Variants in ABL1 observed in about 807,000 individuals in gnomAD.
ABL1 encodes tyrosine-protein kinase ABL1.
Under a neutral mutation model 94.7 loss-of-function variants are expected in ABL1, and 11 were observed. The ratio of observed to expected loss-of-function variants is 0.12; its 90% CI spans 0.07 to 0.19. ABL1 has a LOEUF of 0.19. ABL1 is among the 10% of genes least tolerant of loss of function. ABL1 has a pLI of 1.00. For synonymous variants in ABL1, 656 were observed against 622.4 expected, an observed-to-expected ratio of 1.05 and a Z score of -0.80; for missense variants, 1,082 against 1,489.4, an observed-to-expected ratio of 0.73 and a Z score of 4.50.
intron 1 of ABL1, among the ~76,000 whole-genome samples, chr9:130,744,714 G>A (rs1188794528): frequency 2.0e-5 from 3 of 150,742 alleles, no homozygotes; most frequent in Non-Finnish European, 3.0e-5. Flanking sequence ...AAAATTAGCC[G>A]AGCGTAGTGG....
intron 1 of ABL1, among the ~76,000 whole-genome samples, chr9:130,812,003 ACAGAG>A (rs1830215688): frequency 6.6e-6 from 1 of 151,490 alleles, no homozygotes; most frequent in South Asian, 2.1e-4. Flanking sequence ...GGAAAAGCAA[ACAGAG>A]CAGATGGGAC....
chr9:130,877,989 ATT>A (rs751886515), intron 7 of ABL1, among the ~76,000 whole-genome samples: 40 of 151,642 alleles, frequency 2.6e-4, no homozygotes, highest in Non-Finnish European at 4.6e-4. Context: ...ATTTTTTTGT[ATT>A]TTTAGTAGAG....
rs35601106 is a variant in ABL1, at chr9:130,886,982, C to T, written c.*1299C>T. On this transcript the variant is annotated 3_prime_UTR_variant, in exon 11 of 11. Transcript: ENST00000318560. ...ACAAACGGAGCCCCTGAAAGCCTCA[C>T]GTATTTCACAGAGCACGCCTGCCAT... 53 of 232,832 alleles carry T rather than the reference C, an allele frequency of 2.3e-4. 1 individual carries two copies. Among genetic ancestry groups the T allele is most frequent in the African/African-American group, 7.7e-4 (35 of 45,444 alleles). The allele number at this position is 232,832 out of a possible 1,614,324, so 14.4% of individuals were successfully genotyped here.
At chr9:130,865,671 G>C (rs757469014) in intron 4 of ABL1, among the ~76,000 whole-genome samples, 7 of 151,376 alleles carry the variant, frequency 4.6e-5, no homozygotes, top group Non-Finnish European at 1.0e-4. Flanking sequence ...ACCTGAGCCC[G>C]GGAGGTTGAG....
At position 130,880,189 on chromosome 9, in the gene ABL1, G is replaced by T. The variant is rs921197219; in HGVS notation, c.1513+32G>T. The T allele has an allele frequency of 1.2e-6, 2 of 1,602,160 alleles. No individual in the cohort carries two copies. Among genetic ancestry groups the T allele is most frequent in the African/African-American group, 2.7e-5 (2 of 74,412 alleles). ...TACCCATCCCGGGGTACCTGCAGTG[G>T]GGTGAAAGGGCAGCCATGTGGGACT... On this transcript the variant is annotated intron_variant, in intron 9 of 10. Transcript: ENST00000318560. The surrounding 1 kb of genome is among the most constrained non-coding windows in gnomAD (Gnocchi z 4.4).
upstream of ABL1, among the ~76,000 whole-genome samples, chr9:130,830,744 A>G (rs558770358): frequency 2.0e-5 from 3 of 152,322 alleles, no homozygotes; most frequent in South Asian, 2.1e-4. Context: ...CTCTCCCTAC[A>G]TGATTCCTAA....
chr9:130,836,546 G>A (rs956209111), intron 1 of ABL1, among the ~76,000 whole-genome samples: 1 of 152,106 alleles, frequency 6.6e-6, no homozygotes, highest in Non-Finnish European at 1.5e-5. Context: ...AAATGTGGCC[G>A]GGCGCGGTGG....
chr9:130,870,441 C>T (rs1456700764), intron 4 of ABL1, among the ~76,000 whole-genome samples: 1 of 152,206 alleles, frequency 6.6e-6, no homozygotes, highest in Non-Finnish European at 1.5e-5. Context: ...GCTTCGAAAG[C>T]TTCCTTTGAG....
chr9:130,765,685 C>T (rs564889532), intron 1 of ABL1, among the ~76,000 whole-genome samples: 30 of 152,288 alleles, frequency 2.0e-4, no homozygotes, highest in African/African-American at 4.8e-4. Context: ...CATTTGGTAA[C>T]GTAGAGGCAC....
At chr9:130,746,602 G>C (rs369872477) in intron 1 of ABL1, among the ~76,000 whole-genome samples, 138 of 151,440 alleles carry the variant, frequency 9.1e-4, no homozygotes, top group African/African-American at 3.1e-3. Flanking sequence ...TGTTGCATGT[G>C]ACAACAGTTT....
At chr9:130,719,132 T>G (rs1374667994) in intron 1 of ABL1, among the ~76,000 whole-genome samples, 1 of 152,146 alleles carries the variant, frequency 6.6e-6, no homozygotes, top group Non-Finnish European at 1.5e-5. Flanking sequence ...ACTTGGAGCT[T>G]TAGGTGGAAT....
chr9:130,866,211 C>T (rs1215471984), intron 4 of ABL1, among the ~76,000 whole-genome samples: 2 of 152,124 alleles, frequency 1.3e-5, no homozygotes, highest in Non-Finnish European at 2.9e-5. Flanking sequence ...CATCACACAG[C>T]CAGGAGTGGC....
chr9:130,716,159 A>G (rs192933473), intron 1 of ABL1, among the ~76,000 whole-genome samples: 1 of 134,160 alleles, frequency 7.5e-6, no homozygotes, highest in East Asian at 2.2e-4. Flanking sequence ...CAGTGTGGCG[A>G]TCTCGGCTCA....
At chr9:130,874,782 G>A (rs1831313442) in intron 6 of ABL1, 86 bp from the exon 7 acceptor site, 2 of 1,378,872 alleles carry the variant, frequency 1.5e-6, no homozygotes, top group African/African-American at 1.4e-5. Flanking sequence ...TCCATTGTCA[G>A]CATTGCACCT....
rs147420707 is a variant in ABL1, at chr9:130,740,991, T to G, written c.136+26536T>G. 9.9e-5 allele frequency among the ~76,000 whole-genome samples: 15 copies of G among 152,160 alleles called. No individual in the cohort carries two copies. In the East Asian group the frequency reaches 2.5e-3, roughly 25 times the overall value. On this transcript the variant is annotated intron_variant, in intron 1 of 10. Coordinates refer to the ABL1 transcript ENST00000372348. ...GGAGTAAACAGCTGCATGGTGGGCT[T>G]AATGCCATCTAACACGAGTGACTCC...
chr9:130,794,217 A>G (rs1439580967), intron 1 of ABL1, among the ~76,000 whole-genome samples: 1 of 152,188 alleles, frequency 6.6e-6, no homozygotes, highest in Non-Finnish European at 1.5e-5. Flanking sequence ...GACTGTTGCC[A>G]TTGGATCATG....
At chr9:130,821,826 C>CTATTAT (rs1201935358) in intron 1 of ABL1, among the ~76,000 whole-genome samples, 1 of 134,014 alleles carries the variant, frequency 7.5e-6, no homozygotes, top group Non-Finnish European at 1.6e-5. Context: ...CCACACCTGG[C>CTATTAT]TATTATTATT....
chr9:130,841,103 G>A (rs539776945), intron 1 of ABL1, among the ~76,000 whole-genome samples: 3 of 151,964 alleles, frequency 2.0e-5, no homozygotes, highest in East Asian at 1.9e-4. Context: ...ACATACTAAC[G>A]ATAGCTGATG....
chr9:130,823,706 C>T (rs1052256410), intron 1 of ABL1, among the ~76,000 whole-genome samples: 2 of 152,160 alleles, frequency 1.3e-5, no homozygotes, highest in Non-Finnish European at 2.9e-5. Context: ...AGCACTTTTG[C>T]CCACATACCA....
Sources: gnomAD v4.1 joint callset for allele counts (sites outside exome capture counted in the v4.1 genomes callset) on GRCh38, gnomAD v4.1.1 for gene constraint, Gnocchi (gnomAD v3.1) non-coding constraint, MANE v1.5 for transcripts, NCBI Gene and HGNC (gene_info 2026-07-23, HGNC 2026-07-21) for gene names.